The following CADPS2 variants were observed in gnomAD, a reference collection of about 807,000 sequenced individuals.
The protein encoded by CADPS2 is calcium dependent secretion activator 2, also known as calcium-dependent secretion activator 2.
In CADPS2, 93 loss-of-function variants were observed where a neutral mutation model predicts 172.5. The ratio of observed to expected loss-of-function variants is 0.54; its 90% CI spans 0.46 to 0.64. CADPS2 has a LOEUF of 0.64. Ranked by LOEUF, CADPS2 falls within the 30% of genes least tolerant of loss-of-function variation. The probability of loss-of-function intolerance (pLI) is 0.00; values close to 1 mark genes in which losing one functional copy is unlikely to be tolerated. For missense variants in CADPS2, 1,420 were observed against 1,565.9 expected (o/e 0.91, Z 1.57); for synonymous variants, 546 against 555.2 (o/e 0.98, Z 0.23).
At chr7:122,420,000 G>A (rs1035249864) in intron 17 of CADPS2, among the ~76,000 whole-genome samples, 1 of 152,088 alleles carries the variant, frequency 6.6e-6, no homozygotes, top group African/African-American at 2.4e-5. Context: ...GAAGCATTCT[G>A]CAAATTAGAT....
chr7:122,677,107 A>G (rs1348113706), intron 2 of CADPS2, among the ~76,000 whole-genome samples: 1 of 152,236 alleles, frequency 6.6e-6, no homozygotes, highest in East Asian at 1.9e-4. Flanking sequence ...AGGCAATATG[A>G]TCAGGTGTCA....
chr7:122,516,972 G>A (rs183540126), intron 8 of CADPS2, among the ~76,000 whole-genome samples: 29 of 152,152 alleles, frequency 1.9e-4, no homozygotes, highest in African/African-American at 6.7e-4. Flanking sequence ...TATTGACACA[G>A]TCATGTAACC....
intron 22 of CADPS2, among the ~76,000 whole-genome samples, chr7:122,391,332 T>C (rs1462833562): frequency 6.6e-6 from 1 of 152,010 alleles, no homozygotes; most frequent in Non-Finnish European, 1.5e-5. Flanking sequence ...GAAATTAACA[T>C]ACTTTAAAAA....
chr7:122,634,033 T>C (rs2076820965), intron 3 of CADPS2, among the ~76,000 whole-genome samples: 2 of 152,170 alleles, frequency 1.3e-5, no homozygotes, highest in Non-Finnish European at 2.9e-5. Flanking sequence ...CCAGGAATAC[T>C]GCTTGATTGC....
Position 122,643,870 on chromosome 7 carries a change from T to G in CADPS2, c.787-14542A>C, listed in dbSNP as rs556438109. ...TTTTAGGAGGCCGAGGTGGGTAGATTGCTTGAGGCCAGGAGTTGGAGACCA... is the reference window on the plus strand; with the variant it reads ...TTTTAGGAGGCCGAGGTGGGTAGATGGCTTGAGGCCAGGAGTTGGAGACCA... On this transcript the variant is annotated intron_variant, in intron 3 of 29. Transcript: ENST00000449022. Among the ~76,000 whole-genome samples the G allele has an allele frequency of 3.3e-5, 5 of 152,140 alleles. No homozygotes were observed. In the South Asian group the frequency reaches 1.0e-3, roughly 32 times the overall value.
intron 20 of CADPS2, among the ~76,000 whole-genome samples, chr7:122,404,188 T>G (rs1409829335): frequency 6.6e-6 from 1 of 151,334 alleles, no homozygotes; most frequent in African/African-American, 2.4e-5. Flanking sequence ...TTCCCCTTCC[T>G]GTGTTCATGT....
At chr7:122,574,942 ATAATACT>A (rs1333937630) in intron 7 of CADPS2, among the ~76,000 whole-genome samples, 1 of 152,172 alleles carries the variant, frequency 6.6e-6, no homozygotes. Context: ...TAACCAAGTG[ATAATACT>A]TAATTAAAAT....
intron 2 of CADPS2, among the ~76,000 whole-genome samples, chr7:122,664,896 C>CA (rs562053750): frequency 2.6e-4 from 40 of 152,168 alleles, no homozygotes; most frequent in Admixed American, 2.2e-3. Context: ...GCAATCCTCC[C>CA]ACCTCAGCCT....
At chr7:122,877,908 C>T (rs963092493) in intron 1 of CADPS2, among the ~76,000 whole-genome samples, 1 of 152,050 alleles carries the variant, frequency 6.6e-6, no homozygotes, top group Admixed American at 6.6e-5. Context: ...GACGAAGTGC[C>T]TTGTTCACAC....
rs1240926027 is a variant in CADPS2 at position 122,621,623 on chromosome 7, T to C, written c.962A>G (p.Glu321Gly). ...SSVNLLMANL[E>G]SLPVSKGGPE... ...ACCACCTTTCGAAACTGGAAGACTT[T>C]CCAAATTGGCCATTAGCAAATTCAC... The change falls in exon 5 of 30, where the codon GAA becomes GGA. Residue 321 changes from glutamate to glycine, a missense_variant. Coordinates refer to ENST00000449022, the MANE Select transcript of CADPS2 (RefSeq NM_017954.11). 5 of 1,613,742 alleles carry C rather than the reference T, an allele frequency of 3.1e-6. No homozygotes were observed. Among genetic ancestry groups the C allele is most frequent in the Admixed American group, 3.3e-5 (2 of 60,006 alleles).
At chr7:122,762,133 A>G (rs2093410098) in intron 1 of CADPS2, among the ~76,000 whole-genome samples, 1 of 151,618 alleles carries the variant, frequency 6.6e-6, no homozygotes, top group Admixed American at 6.6e-5. Context: ...GTATATATAA[A>G]ACAACAGAAA....
chr7:122,641,874 A>G (rs2134533163), intron 3 of CADPS2, among the ~76,000 whole-genome samples: 1 of 152,234 alleles, frequency 6.6e-6, no homozygotes, highest in African/African-American at 2.4e-5. Flanking sequence ...AAAAAAAAAA[A>G]AGTAAAAATA....
chr7:122,576,571 TA>T (rs1053553360), intron 7 of CADPS2, among the ~76,000 whole-genome samples: 1 of 152,168 alleles, frequency 6.6e-6, no homozygotes, highest in East Asian at 1.9e-4. Context: ...CATAAAGTTC[TA>T]TACCTCTTGG....
chr7:122,572,053 A>T (rs2067338721), intron 7 of CADPS2, among the ~76,000 whole-genome samples: 1 of 152,184 alleles, frequency 6.6e-6, no homozygotes, highest in African/African-American at 2.4e-5. Context: ...GTGAATGAAG[A>T]AAACATTAGA....
At chr7:122,439,410 C>T (rs1228870229) in intron 16 of CADPS2, 1 of 152,082 alleles carries the variant, frequency 6.6e-6, no homozygotes, top group Non-Finnish European at 1.5e-5. Flanking sequence ...GAAGACAATG[C>T]TTTCGTAAGT....
intron 2 of CADPS2, among the ~76,000 whole-genome samples, chr7:122,684,372 C>A (rs1456933438): frequency 6.6e-6 from 1 of 151,902 alleles, no homozygotes; most frequent in Non-Finnish European, 1.5e-5. Flanking sequence ...GCATGATTTT[C>A]CCCCAATATT....
At chr7:122,683,737 T>C (rs745458363) in intron 2 of CADPS2, among the ~76,000 whole-genome samples, 16 of 97,242 alleles carry the variant, frequency 1.6e-4, no homozygotes, top group Non-Finnish European at 3.9e-4. Context: ...TGATATAATG[T>C]TAATGAAGAA....
chr7:122,784,035 A>G (rs1793437099), intron 1 of CADPS2, among the ~76,000 whole-genome samples: 1 of 152,176 alleles, frequency 6.6e-6, no homozygotes, highest in Non-Finnish European at 1.5e-5. Context: ...GTAGTGTTTC[A>G]TTCCATTAGT....
At chr7:122,469,092 AT>A (rs1477342429) in intron 14 of CADPS2, among the ~76,000 whole-genome samples, 1 of 152,204 alleles carries the variant, frequency 6.6e-6, no homozygotes, top group African/African-American at 2.4e-5. Context: ...GAGTATCGTT[AT>A]AAAGAAAACA....
Sources: allele counts gnomAD v4.1 joint callset (sites outside exome capture counted in the v4.1 genomes callset), GRCh38; gene constraint gnomAD v4.1.1; transcripts MANE v1.5; gene names NCBI Gene and HGNC (gene_info 2026-07-23, HGNC 2026-07-21).